The following MTUS2 variants were observed in gnomAD, a reference collection of about 807,000 sequenced individuals.
The protein encoded by MTUS2 is microtubule associated scaffold protein 2, also known as microtubule-associated tumor suppressor candidate 2.
In MTUS2, 40 loss-of-function variants were observed where a neutral mutation model predicts 114.1. The ratio of observed to expected loss-of-function variants is 0.35; its 90% CI spans 0.27 to 0.46. The LOEUF (loss-of-function observed/expected upper bound fraction) is 0.46, where lower values mean the gene tolerates loss of function less well. Among genes scored for constraint, MTUS2 ranks in the 20% least tolerant of loss-of-function variants. The pLI is 1.00. For missense variants in MTUS2, 1,679 were observed against 1,705.4 expected (o/e 0.98, Z 0.27); for synonymous variants, 688 against 672.0 (o/e 1.02, Z -0.37).
At chr13:29,295,842 A>C (rs1898917356) in intron 6 of MTUS2, among the ~76,000 whole-genome samples, 1 of 152,112 alleles carries the variant, frequency 6.6e-6, no homozygotes, top group East Asian at 1.9e-4. Flanking sequence ...GCGGAACTGC[A>C]TTTTATAAAA....
intron 7 of MTUS2, among the ~76,000 whole-genome samples, chr13:29,337,474 A>C (rs997632034): frequency 5.9e-5 from 9 of 152,020 alleles, no homozygotes; most frequent in Non-Finnish European, 8.8e-5. Context: ...CATGGGCTGC[A>C]CCCACTGTCT....
chr13:29,025,188 G>A lies in MTUS2; in HGVS notation c.490G>A (p.Ala164Thr). ...IPRHVPKDKL[A>T]KTLDNEELRR... Reference sequence around the variant, plus strand: ...CCGGCATGTTCCCAAGGATAAACTGGCAAAGACCCTTGACAATGAGGAACT... The same window carrying A: ...CCGGCATGTTCCCAAGGATAAACTGACAAAGACCCTTGACAATGAGGAACT... The change falls in exon 3 of 16, where the codon GCA becomes ACA. Residue 164 changes from alanine (A) to threonine (T), a missense_variant. This residue lies in a region of MTUS2 where 843 missense variants were observed against 770.8 expected (regional missense o/e 1.09). Coordinates refer to ENST00000612955, the MANE Select transcript of MTUS2 (RefSeq NM_001033602.4). 1 of 1,613,914 alleles carries A rather than the reference G, an allele frequency of 6.2e-7. No individual in the cohort carries two copies. The highest frequency in any genetic ancestry group is 8.5e-7 in the Non-Finnish European group (1 of 1,179,882).
At chr13:29,244,314 A>C (rs535131082) in intron 5 of MTUS2, among the ~76,000 whole-genome samples, 2 of 152,288 alleles carry the variant, frequency 1.3e-5, no homozygotes, top group East Asian at 3.9e-4. Context: ...AGGGAGACTT[A>C]CAGTCATGAT....
At chr13:29,028,624 T>C (rs866083574) in intron 3 of MTUS2, among the ~76,000 whole-genome samples, 4 of 151,920 alleles carry the variant, frequency 2.6e-5, no homozygotes, top group Admixed American at 6.6e-5. Context: ...TCCAATGTTA[T>C]CTCCTTGGGA....
chr13:29,148,479 T>A (rs1454606726), intron 5 of MTUS2, among the ~76,000 whole-genome samples: 1 of 108,772 alleles, frequency 9.2e-6, no homozygotes, highest in Non-Finnish European at 2.1e-5. Flanking sequence ...TTTCTTTTTT[T>A]TTTTTTTTTT....
intron 2 of MTUS2, among the ~76,000 whole-genome samples, chr13:28,971,909 C>T (rs1414425206): frequency 2.0e-5 from 3 of 152,104 alleles, no homozygotes; most frequent in Non-Finnish European, 4.4e-5. Context: ...ATAAAGTAAC[C>T]GATGCAATTC....
At chr13:29,487,136 G>A (rs1344855425) in intron 10 of MTUS2, among the ~76,000 whole-genome samples, 1 of 152,214 alleles carries the variant, frequency 6.6e-6, no homozygotes, top group Non-Finnish European at 1.5e-5. Context: ...TGCCTGAGCA[G>A]AAGGTCCAAG....
At chr13:29,159,584 G>A (rs1893009023) in intron 5 of MTUS2, among the ~76,000 whole-genome samples, 1 of 151,846 alleles carries the variant, frequency 6.6e-6, no homozygotes, top group Non-Finnish European at 1.5e-5. Context: ...ACTAATAGAA[G>A]ATATTTGCAA....
chr13:29,485,174 T>TG (rs1881504095), intron 10 of MTUS2: 1 of 152,714 alleles, frequency 6.5e-6, no homozygotes, highest in South Asian at 2.1e-4. Flanking sequence ...TTTGATTTGG[T>TG]GATCTTCAAT....
intron 5 of MTUS2, among the ~76,000 whole-genome samples, chr13:29,186,143 G>A (rs117827547): frequency 0.014 from 2,149 of 152,344 alleles, 25 homozygotes; most frequent in Non-Finnish European, 0.024. Flanking sequence ...AAGCCAGGGA[G>A]ATAAAGGCTG....
intron 5 of MTUS2, among the ~76,000 whole-genome samples, chr13:29,143,969 C>T (rs754675735): frequency 2.3e-4 from 35 of 152,238 alleles, no homozygotes; most frequent in Non-Finnish European, 4.1e-4. Context: ...GCCATAGTGC[C>T]ATATTTATTT....
At chr13:28,901,226 T>G (rs181081747) in intron 2 of MTUS2, among the ~76,000 whole-genome samples, 23 of 152,348 alleles carry the variant, frequency 1.5e-4, no homozygotes, top group African/African-American at 4.6e-4. Context: ...TTTTTAAGTC[T>G]TGACTTTTGA....
chr13:28,953,935 A>G (rs2138185495), intron 2 of MTUS2, among the ~76,000 whole-genome samples: 1 of 152,344 alleles, frequency 6.6e-6, no homozygotes, highest in South Asian at 2.1e-4. Flanking sequence ...TTCCCTTGTC[A>G]GATGTTAAAA....
chr13:29,462,409 G>T (rs74044808), intron 9 of MTUS2, among the ~76,000 whole-genome samples: 3,307 of 152,262 alleles, frequency 0.022, 105 homozygotes, highest in African/African-American at 0.071. Flanking sequence ...TGGCTGCTGT[G>T]CTGAGATTAA....
At chr13:29,419,237 A>G (rs1439963100) in intron 8 of MTUS2, among the ~76,000 whole-genome samples, 1 of 152,150 alleles carries the variant, frequency 6.6e-6, no homozygotes, top group East Asian at 1.9e-4. Flanking sequence ...GTCTCATTAC[A>G]GGTCTAGAAG....
intron 5 of MTUS2, among the ~76,000 whole-genome samples, chr13:29,183,627 A>T (rs1053869448): frequency 6.6e-6 from 1 of 152,158 alleles, no homozygotes; most frequent in African/African-American, 2.4e-5. Context: ...TCTTGGGGAC[A>T]CTCTAATGTT....
chr13:29,314,678 G>A (rs936239935), intron 6 of MTUS2, among the ~76,000 whole-genome samples: 4 of 152,210 alleles, frequency 2.6e-5, no homozygotes, highest in Admixed American at 2.0e-4. Flanking sequence ...GTATGAAAGC[G>A]TATGGAGGGA....
chr13:29,181,629 A>T (rs1894008772), intron 5 of MTUS2, among the ~76,000 whole-genome samples: 1 of 152,102 alleles, frequency 6.6e-6, no homozygotes, highest in Non-Finnish European at 1.5e-5. Flanking sequence ...TGATTAATGG[A>T]TCAAAACAAA....
chr13:29,408,634 A>G (rs1425978254), intron 8 of MTUS2, among the ~76,000 whole-genome samples: 3 of 152,206 alleles, frequency 2.0e-5, no homozygotes, highest in Non-Finnish European at 4.4e-5. Context: ...TAAGTTTTTA[A>G]TATAACTGGA....
Sources: gnomAD v4.1 joint callset for allele counts (sites outside exome capture counted in the v4.1 genomes callset) on GRCh38, gnomAD v4.1.1 for gene constraint, gnomAD v4.1.1 regional missense constraint, MANE v1.5 for transcripts, NCBI Gene and HGNC (gene_info 2026-07-23, HGNC 2026-07-21) for gene names.